ARHGEF1: variants seen among roughly 807,000 people sequenced by gnomAD.
The protein encoded by ARHGEF1 is Rho guanine nucleotide exchange factor 1.
ARHGEF1 carries 40 observed loss-of-function variants against 119.7 expected under a neutral mutation model. The observed-to-expected ratio is 0.33, with a 90% CI of 0.26 to 0.44. The LOEUF is 0.44. ARHGEF1 is among the 20% of genes least tolerant of loss of function. The probability of loss-of-function intolerance (pLI) is 1.00; values close to 1 mark genes in which losing one functional copy is unlikely to be tolerated. For synonymous variants in ARHGEF1, 494 were observed against 521.0 expected, an observed-to-expected ratio of 0.95 and a Z score of 0.71; for missense variants, 976 against 1,268.3, an observed-to-expected ratio of 0.77 and a Z score of 3.50.
At chr19:41,909,306 T>C, downstream of ARHGEF1, 1 of 1,234,788 alleles carries the variant, frequency 8.1e-7, no homozygotes, top group Non-Finnish European at 1.0e-6. The surrounding 1 kb of genome is among the most constrained non-coding windows in gnomAD (Gnocchi z 5.2). Context: ...CATCTGGCCC[T>C]GGGGCCCCCC....
chr19:41,898,611 A>G, intron 14 of ARHGEF1, 24 bp downstream of exon 14: 1 of 1,576,966 alleles, frequency 6.3e-7, no homozygotes. Flanking sequence ...CCATCACCCC[A>G]CTGTGGCCAA....
rs1005147865 is a variant in ARHGEF1 at position 41,892,248 on chromosome 19, A to G, written c.325-83A>G. 2 of 1,592,012 alleles carry G rather than the reference A, an allele frequency of 1.3e-6. No individual in the cohort carries two copies. Among genetic ancestry groups the G allele is most frequent in the East Asian group, 2.2e-5 (1 of 44,682 alleles). The stretch of plus-strand genomic sequence containing the variant: ...CAGGCCTTCCCCAGCACCCTCGCTT[A>G]GACCAGGGTTCCTGGCAGTCCTCCC... On this transcript the variant is annotated intron_variant, in intron 5 of 28. Transcript: ENST00000354532. This position sits in a 1 kb window ranked among gnomAD's most constrained non-coding sequence, Gnocchi z 6.3.
rs782005098 is a variant in ARHGEF1 at position 41,902,708 on chromosome 19, C to T, written c.1623+50C>T. 26 of 1,612,986 alleles carry T rather than the reference C, an allele frequency of 1.6e-5. No individual in the cohort carries two copies. In the East Asian group the frequency reaches 5.6e-4, roughly 35 times the overall value. ...TTCCCAGGGAGGAGGGGCCTGGAGA[C>T]CCAGACTCCTAGGTGCCTGCGCCCT... On this transcript the variant is annotated intron_variant, in intron 17 of 28. Coordinates refer to ENST00000354532, the MANE Select transcript of ARHGEF1 (RefSeq NM_004706.4). This position sits in a 1 kb window ranked among gnomAD's most constrained non-coding sequence, Gnocchi z 6.5.
At chr19:41,909,295 G>A (rs2074739310), downstream of ARHGEF1, 5 of 1,233,538 alleles carry the variant, frequency 4.1e-6, no homozygotes, top group Non-Finnish European at 5.1e-6. This position sits in a 1 kb window ranked among gnomAD's most constrained non-coding sequence, Gnocchi z 5.2. Context: ...GAGGGGAGGA[G>A]CATCTGGCCC....
intron 18 of ARHGEF1, among the ~76,000 whole-genome samples, chr19:41,915,736 T>C (rs2074796836): frequency 6.6e-6 from 1 of 152,172 alleles, no homozygotes; most frequent in African/African-American, 2.4e-5. Context: ...CCGGTGTCCG[T>C]CTCTTGGGGT....
intron 2 of ARHGEF1, among the ~76,000 whole-genome samples, chr19:41,929,283 C>A (rs577113766): frequency 6.1e-4 from 93 of 152,084 alleles, no homozygotes; most frequent in Admixed American, 1.5e-3. Context: ...TCCCAACACA[C>A]AGCCTGGACA....
chr19:41,910,084 C>G, downstream of ARHGEF1: 1 of 1,612,714 alleles, frequency 6.2e-7, no homozygotes, highest in Non-Finnish European at 8.5e-7. This position sits in a 1 kb window ranked among gnomAD's most constrained non-coding sequence, Gnocchi z 4.4. Flanking sequence ...AGGCCCAATC[C>G]GGGAAGGCAA....
intron 4 of ARHGEF1, among the ~76,000 whole-genome samples, chr19:41,891,452 T>G (rs1416141036): frequency 6.6e-6 from 1 of 152,052 alleles, no homozygotes. Flanking sequence ...CCCGACTAAT[T>G]TTTTTATTTT....
chr19:41,896,476 C>G lies in ARHGEF1; in HGVS notation c.1115C>G (p.Thr372Ser). The change falls in exon 13 of 29, where the codon ACC becomes AGC. Residue 372 changes from threonine to serine, a missense_variant. Thr to Ser is a moderately conservative substitution (Grantham distance 58). Transcript: ENST00000354532. The part of the protein sequence containing the change: ...PPESTDEGAE[T>S]ESPEPGDEGE... Reference sequence around the variant, plus strand: ...GAGAGTACCGACGAGGGGGCCGAAACCGAGAGGTGCCCAGGCTGGGGTGCA... The same window carrying G: ...GAGAGTACCGACGAGGGGGCCGAAAGCGAGAGGTGCCCAGGCTGGGGTGCA... 6.7e-7 allele frequency: 1 copy of G among 1,483,562 alleles called. No individual in the cohort carries two copies. The highest frequency in any genetic ancestry group is 1.4e-5 in the South Asian group (1 of 70,904). 91.9% of individuals were successfully genotyped at this position (1,483,562 alleles called of 1,614,324 possible).
upstream of ARHGEF1, among the ~76,000 whole-genome samples, chr19:41,921,617 G>C (rs2074842670): frequency 6.6e-6 from 1 of 152,118 alleles, no homozygotes; most frequent in African/African-American, 2.4e-5. The surrounding 1 kb of genome is among the most constrained non-coding windows in gnomAD (Gnocchi z 4.4). Context: ...GAGAGCGAGG[G>C]CCGCACCGGA....
In ARHGEF1 at chr19:41,916,064, G is replaced by A. The variant is rs2074799676; in HGVS notation, c.1866-7028G>A. 6.6e-6 allele frequency among the ~76,000 whole-genome samples: 1 copy of A among 151,100 alleles called. No homozygotes were observed. The highest frequency in any genetic ancestry group is 1.5e-5 in the Non-Finnish European group (1 of 67,870). Reference sequence around the variant, plus strand: ...ACCGCCCGCAGCCATGGCACCGAATGTGTGTGCGCATGTGAGCGAAGCGGT... The same window carrying A: ...ACCGCCCGCAGCCATGGCACCGAATATGTGTGCGCATGTGAGCGAAGCGGT... On this transcript the variant is annotated intron_variant, in intron 18 of 20. Coordinates refer to the ARHGEF1 transcript ENST00000599589. This position sits in a 1 kb window ranked among gnomAD's most constrained non-coding sequence, Gnocchi z 5.4.
Position 41,892,862 on chromosome 19 carries a change from G to T in ARHGEF1, c.614+13G>T. ...TGGAGGAGATGCAGTGAGTAGGCCA[G>T]CCCTGGTGGGAGCGTCGCCCCTCCC... On this transcript the variant is annotated intron_variant, in intron 7 of 28. Coordinates refer to ENST00000354532, the MANE Select transcript of ARHGEF1 (RefSeq NM_004706.4). This position sits in a 1 kb window ranked among gnomAD's most constrained non-coding sequence, Gnocchi z 6.3. 6.7e-7 allele frequency: 1 copy of T among 1,500,942 alleles called. No homozygotes were observed. Among genetic ancestry groups the T allele is most frequent in the East Asian group, 2.4e-5 (1 of 41,674 alleles). 93.0% of individuals were successfully genotyped at this position (1,500,942 alleles called of 1,614,324 possible).
chr19:41,889,968 G>T lies in ARHGEF1; in HGVS notation c.225+1103G>T. On this transcript the variant is annotated intron_variant, in intron 4 of 28. Transcript: ENST00000354532. The surrounding 1 kb of genome is among the most constrained non-coding windows in gnomAD (Gnocchi z 4.0). ...GACTACCATGTTCTTTTACAGATGTGGAAACCGAGGCCTAGAGAGGGTCAG... is the reference window on the plus strand; with the variant it reads ...GACTACCATGTTCTTTTACAGATGTTGAAACCGAGGCCTAGAGAGGGTCAG... 1 of 152,210 alleles carries T rather than the reference G, an allele frequency of 6.6e-6. No homozygotes were observed. 9.4% of individuals were successfully genotyped at this position (152,210 alleles called of 1,614,324 possible).
upstream of ARHGEF1, among the ~76,000 whole-genome samples, chr19:41,918,866 A>G (rs559813377): frequency 5.3e-5 from 8 of 149,660 alleles, no homozygotes; most frequent in Non-Finnish European, 8.9e-5. Context: ...CACACCACAC[A>G]CCACATATCC....
chr19:41,914,211 C>T (rs1405845319), intron 18 of ARHGEF1, among the ~76,000 whole-genome samples: 3 of 151,502 alleles, frequency 2.0e-5, no homozygotes, highest in Non-Finnish European at 4.4e-5. Flanking sequence ...GTCCCAGGCC[C>T]CCTCTGTTCC....
rs1323826727 is a variant in ARHGEF1, at chr19:41,903,200, G to T, written c.1739-107G>T. On this transcript the variant is annotated intron_variant, in intron 18 of 28. Coordinates refer to ENST00000354532, the MANE Select transcript of ARHGEF1 (RefSeq NM_004706.4). This position sits in a 1 kb window ranked among gnomAD's most constrained non-coding sequence, Gnocchi z 4.2. ...GCCTCCCAAAGTGCTTGGATTACAGGCGTGAGCCACCATGCCCGGCCAGCT... is the reference window on the plus strand; with the variant it reads ...GCCTCCCAAAGTGCTTGGATTACAGTCGTGAGCCACCATGCCCGGCCAGCT... The T allele has an allele frequency of 2.0e-6, 2 of 1,004,352 alleles. No individual in the cohort carries two copies. Among genetic ancestry groups the T allele is most frequent in the Non-Finnish European group, 3.1e-6 (2 of 655,400 alleles). 62.2% of individuals were successfully genotyped at this position (1,004,352 alleles called of 1,614,324 possible). A position where few individuals can be genotyped will look rare whatever the true frequency, so the allele number is the denominator to read the frequency against.
downstream of ARHGEF1, chr19:41,908,449 C>T: frequency 8.1e-7 from 1 of 1,231,372 alleles, no homozygotes; most frequent in Admixed American, 4.2e-5. This position sits in a 1 kb window ranked among gnomAD's most constrained non-coding sequence, Gnocchi z 6.7. Flanking sequence ...AGGCCCTCCC[C>T]TGTCGAGGCC....
At chr19:41,887,582 G>A (rs2074312701) in intron 1 of ARHGEF1, among the ~76,000 whole-genome samples, 2 of 152,094 alleles carry the variant, frequency 1.3e-5, no homozygotes, top group African/African-American at 4.8e-5. Context: ...AGGAAGTGGG[G>A]CTGGTGGGTT....
chr19:41,901,815 A>G, intron 14 of ARHGEF1, 72 bp from the exon 15 acceptor site: 1 of 1,550,182 alleles, frequency 6.5e-7, no homozygotes. Flanking sequence ...TCATTCCTCT[A>G]GCCTGCCCAT....
Sources: allele counts gnomAD v4.1 joint callset (sites outside exome capture counted in the v4.1 genomes callset), GRCh38; gene constraint gnomAD v4.1.1; non-coding constraint Gnocchi (gnomAD v3.1); transcripts MANE v1.5; gene names NCBI Gene and HGNC (gene_info 2026-07-23, HGNC 2026-07-21).